DNAJC1: variants seen among roughly 807,000 people sequenced by gnomAD.
DNAJC1 encodes the protein DnaJ heat shock protein family (Hsp40) member C1, also known as dnaJ homolog subfamily C member 1.
In DNAJC1, 58 loss-of-function variants were observed where a neutral mutation model predicts 76.6. That is an observed-to-expected ratio of 0.76 (90% CI 0.61 to 0.94). The LOEUF (loss-of-function observed/expected upper bound fraction) is 0.94. Among genes scored for constraint, DNAJC1 ranks in the 40% least tolerant of loss-of-function variants. The pLI is 0.00. For missense variants in DNAJC1, 689 were observed against 677.3 expected, an observed-to-expected ratio of 1.02 and a Z score of -0.19; for synonymous variants, 258 against 267.9, an observed-to-expected ratio of 0.96 and a Z score of 0.36.
chr10:21,907,334 T>C (rs1204056897), intron 6 of DNAJC1, among the ~76,000 whole-genome samples: 2 of 151,916 alleles, frequency 1.3e-5, no homozygotes, highest in Non-Finnish European at 2.9e-5. Flanking sequence ...ATATCTTACC[T>C]ATGCTTTGAA....
intron 1 of DNAJC1, among the ~76,000 whole-genome samples, chr10:21,952,590 C>T (rs1837617120): frequency 6.6e-6 from 1 of 152,140 alleles, no homozygotes; most frequent in African/African-American, 2.4e-5. Flanking sequence ...AAACCTATCT[C>T]TACTAAAAAA....
At chr10:21,874,583 A>G (rs1836155389) in intron 8 of DNAJC1, among the ~76,000 whole-genome samples, 1 of 152,242 alleles carries the variant, frequency 6.6e-6, no homozygotes, top group Admixed American at 6.5e-5. Context: ...TCCAGAATAG[A>G]CAAATCCAGA....
At chr10:21,899,505 G>T (rs1836608682) in intron 7 of DNAJC1, among the ~76,000 whole-genome samples, 1 of 152,204 alleles carries the variant, frequency 6.6e-6, no homozygotes, top group South Asian at 2.1e-4. Context: ...ATTCCAACCT[G>T]CTGGCTTTGG....
At chr10:21,806,126 A>G in intron 8 of DNAJC1, 27 bp from the exon 9 acceptor site, 1 of 1,582,718 alleles carries the variant, frequency 6.3e-7, no homozygotes, top group Non-Finnish European at 8.6e-7. Flanking sequence ...AAAATAAAAA[A>G]AGATAATTGG....
chr10:21,830,404 T>C (rs2131667459), intron 8 of DNAJC1, among the ~76,000 whole-genome samples: 1 of 152,308 alleles, frequency 6.6e-6, no homozygotes, highest in South Asian at 2.1e-4. Flanking sequence ...CCCTCAGCAC[T>C]TTGAGGATAT....
At chr10:21,852,041 A>C (rs1471991143) in intron 8 of DNAJC1, among the ~76,000 whole-genome samples, 1 of 151,888 alleles carries the variant, frequency 6.6e-6, no homozygotes, top group Non-Finnish European at 1.5e-5. Flanking sequence ...CGACAGAGTG[A>C]GACTCTGTCT....
At chr10:21,849,169 T>G (rs904130491) in intron 8 of DNAJC1, among the ~76,000 whole-genome samples, 1 of 151,714 alleles carries the variant, frequency 6.6e-6, no homozygotes. Context: ...GGCACGCACC[T>G]GTAATCCCAG....
chr10:21,923,831 A>G (rs1837077009), intron 3 of DNAJC1, among the ~76,000 whole-genome samples: 1 of 152,006 alleles, frequency 6.6e-6, no homozygotes, highest in Non-Finnish European at 1.5e-5. Context: ...ACTGAAAAAC[A>G]AATCTAAAAT....
intron 8 of DNAJC1, among the ~76,000 whole-genome samples, chr10:21,828,919 C>T (rs1396030903): frequency 1.3e-5 from 2 of 152,196 alleles, no homozygotes; most frequent in South Asian, 4.1e-4. Flanking sequence ...GGCAGGTTAT[C>T]TGCTCCTTGA....
intron 1 of DNAJC1, among the ~76,000 whole-genome samples, chr10:21,940,601 T>A (rs370347978): frequency 6.6e-6 from 1 of 152,212 alleles, no homozygotes; most frequent in Non-Finnish European, 1.5e-5. Flanking sequence ...TTATGTCCCC[T>A]ATTTTAAACT....
In DNAJC1 at chr10:21,983,005, T is replaced by C. The variant is rs144116630; in HGVS notation, c.222+20208A>G. Among the ~76,000 whole-genome samples the C allele has an allele frequency of 3.1e-3, 479 of 152,242 alleles. 3 individuals are homozygous for C. The highest frequency in any genetic ancestry group is 0.011 in the African/African-American group (460 of 41,544). ...GGGAGTTTGGGGCTGCAGCAAGTTA[T>C]GATCATGCCACTCAACTCCAGCCTG... On this transcript the variant is annotated intron_variant, in intron 1 of 11. Coordinates refer to ENST00000376980, the MANE Select transcript of DNAJC1 (RefSeq NM_022365.4).
intron 1 of DNAJC1, among the ~76,000 whole-genome samples, chr10:21,934,051 G>A (rs1048202603): frequency 7.2e-5 from 11 of 152,112 alleles, no homozygotes; most frequent in Middle Eastern, 3.4e-3. Flanking sequence ...GGTCCTTCAG[G>A]AGGTATTTCA....
intron 1 of DNAJC1, among the ~76,000 whole-genome samples, chr10:21,950,690 G>A (rs1487597072): frequency 6.6e-6 from 1 of 152,228 alleles, no homozygotes; most frequent in Non-Finnish European, 1.5e-5. Flanking sequence ...GTTCTTGAAG[G>A]AAATTAAGTG....
At chr10:21,885,607 A>G (rs1836356587) in intron 7 of DNAJC1, among the ~76,000 whole-genome samples, 2 of 152,214 alleles carry the variant, frequency 1.3e-5, no homozygotes, top group Non-Finnish European at 2.9e-5. Context: ...TATCCTCAGC[A>G]AATGCAAAAG....
At chr10:21,949,794 A>T in intron 1 of DNAJC1, among the ~76,000 whole-genome samples, 1 of 151,768 alleles carries the variant, frequency 6.6e-6, no homozygotes, top group Non-Finnish European at 1.5e-5. Context: ...TAATTGGGAG[A>T]GTTAAGGAGG....
chr10:21,761,330 A>AG (rs983819850), intron 10 of DNAJC1, among the ~76,000 whole-genome samples: 11 of 152,284 alleles, frequency 7.2e-5, no homozygotes, highest in African/African-American at 1.9e-4. Flanking sequence ...AGGCCAAGGC[A>AG]GGGGGGATCC....
At chr10:21,937,664 T>C (rs1484649915) in intron 1 of DNAJC1, among the ~76,000 whole-genome samples, 3 of 152,136 alleles carry the variant, frequency 2.0e-5, no homozygotes, top group Admixed American at 2.0e-4. Context: ...AGAATACGCA[T>C]TTTTCTGAAG....
chr10:21,891,558 G>A (rs1836463956), intron 7 of DNAJC1, among the ~76,000 whole-genome samples: 1 of 147,838 alleles, frequency 6.8e-6, no homozygotes, highest in African/African-American at 2.5e-5. Flanking sequence ...CAACTTAAAA[G>A]CAGCAACAGA....
chr10:21,864,664 G>A (rs977471119), intron 8 of DNAJC1, among the ~76,000 whole-genome samples: 13 of 151,748 alleles, frequency 8.6e-5, no homozygotes, highest in African/African-American at 3.2e-4. Flanking sequence ...GAAAGAAACA[G>A]AAGAAAATCT....
Sources: allele counts gnomAD v4.1 joint callset (sites outside exome capture counted in the v4.1 genomes callset), GRCh38; gene constraint gnomAD v4.1.1; transcripts MANE v1.5; gene names NCBI Gene and HGNC (gene_info 2026-07-23, HGNC 2026-07-21).